Variants in SPTLC3 observed in about 807,000 individuals in gnomAD.
SPTLC3 encodes serine palmitoyltransferase 3.
A neutral mutation model predicts 59.3 loss-of-function variants in SPTLC3; 36 were observed. The ratio of observed to expected loss-of-function variants is 0.61; its 90% CI spans 0.47 to 0.80. The LOEUF is 0.80. SPTLC3 is among the 30% of genes least tolerant of loss of function. The pLI is 0.00. For synonymous variants in SPTLC3, 257 were observed against 240.8 expected (o/e 1.07, Z -0.62); for missense variants, 625 against 685.1 (o/e 0.91, Z 0.98).
chr20:13,128,212 G>A (rs555830089), intron 9 of SPTLC3, among the ~76,000 whole-genome samples: 4 of 152,268 alleles, frequency 2.6e-5, no homozygotes, highest in East Asian at 1.9e-4. Flanking sequence ...TGAGGTGATC[G>A]ACAAGTATTT....
chr20:13,093,663 C>T, intron 6 of SPTLC3, 86 bp downstream of exon 6: 1 of 1,248,400 alleles, frequency 8.0e-7, no homozygotes. Context: ...TTCTGCTCTT[C>T]AAGGTGACAA....
At chr20:13,010,286 G>A (rs1985170354) in intron 1 of SPTLC3, among the ~76,000 whole-genome samples, 1 of 152,132 alleles carries the variant, frequency 6.6e-6, no homozygotes, top group South Asian at 2.1e-4. Context: ...GGAAAGAGAA[G>A]TGGCACAGGG....
intron 5 of SPTLC3, among the ~76,000 whole-genome samples, chr20:13,093,136 C>T (rs1989288392): frequency 6.6e-6 from 1 of 152,192 alleles, no homozygotes; most frequent in Non-Finnish European, 1.5e-5. Flanking sequence ...GGAAGTGCCC[C>T]TACAAGTTCA....
chr20:13,046,821 T>A (rs1384245426), intron 1 of SPTLC3, among the ~76,000 whole-genome samples: 2 of 152,194 alleles, frequency 1.3e-5, no homozygotes. Flanking sequence ...GCTGAACATG[T>A]TGCTTGCTCA....
At chr20:13,046,219 A>T (rs1261725110) in intron 1 of SPTLC3, among the ~76,000 whole-genome samples, 2 of 152,094 alleles carry the variant, frequency 1.3e-5, no homozygotes, top group South Asian at 2.1e-4. Flanking sequence ...ACCTTATCGC[A>T]TTCACCTTCA....
intron 2 of SPTLC3, among the ~76,000 whole-genome samples, chr20:13,061,468 G>C (rs1298686023): frequency 6.6e-6 from 1 of 152,110 alleles, no homozygotes; most frequent in Non-Finnish European, 1.5e-5. Context: ...AGGTGTCTGG[G>C]TTCCTATCGA....
chr20:13,127,676 C>A (rs1045991055), intron 9 of SPTLC3, among the ~76,000 whole-genome samples: 3 of 152,256 alleles, frequency 2.0e-5, no homozygotes, highest in East Asian at 3.8e-4. Flanking sequence ...CATACTGATA[C>A]CCCCTGGGGC....
chr20:13,056,161 G>A (rs974154056), intron 2 of SPTLC3, among the ~76,000 whole-genome samples: 3 of 152,118 alleles, frequency 2.0e-5, no homozygotes, highest in Admixed American at 6.5e-5. Flanking sequence ...AGAACTGCTC[G>A]AACCGCCCCA....
chr20:13,041,505 C>G (rs988274699), intron 1 of SPTLC3, among the ~76,000 whole-genome samples: 3 of 152,060 alleles, frequency 2.0e-5, no homozygotes, highest in African/African-American at 7.2e-5. Context: ...ACATTGCCAT[C>G]ATACCTTCTT....
chr20:13,156,758 A>G (rs998739235), intron 10 of SPTLC3, among the ~76,000 whole-genome samples: 11 of 152,312 alleles, frequency 7.2e-5, no homozygotes, highest in South Asian at 2.1e-4. Flanking sequence ...TAAGCATTCA[A>G]TCAGTGGTAG....
intron 10 of SPTLC3, among the ~76,000 whole-genome samples, chr20:13,158,072 A>C (rs2038815327): frequency 6.6e-6 from 1 of 152,232 alleles, no homozygotes; most frequent in South Asian, 2.1e-4. Context: ...ACAATCAAGA[A>C]TATATTGTAT....
intron 1 of SPTLC3, among the ~76,000 whole-genome samples, chr20:13,047,501 G>C (rs543312922): frequency 2.6e-5 from 4 of 152,156 alleles, no homozygotes; most frequent in Admixed American, 2.0e-4. Context: ...AACATTTTTT[G>C]TGTGTCATCT....
At chr20:13,147,258 C>G (rs534500446) in intron 9 of SPTLC3, among the ~76,000 whole-genome samples, 4 of 152,154 alleles carry the variant, frequency 2.6e-5, no homozygotes, top group Admixed American at 6.5e-5. Flanking sequence ...AGCTTCAGTG[C>G]CTGATAAAAA....
At chr20:13,031,475 T>A (rs972509464) in intron 1 of SPTLC3, among the ~76,000 whole-genome samples, 3 of 152,186 alleles carry the variant, frequency 2.0e-5, no homozygotes, top group Non-Finnish European at 4.4e-5. Flanking sequence ...CAATATATAA[T>A]TTTGGAATGA....
chr20:13,094,783 C>A (rs1375371118), intron 6 of SPTLC3, among the ~76,000 whole-genome samples: 1 of 152,098 alleles, frequency 6.6e-6, no homozygotes, highest in African/African-American at 2.4e-5. Flanking sequence ...CTTACTGAGC[C>A]GCTTTCAGTA....
At chr20:13,153,176 A>C (rs2038688950) in intron 9 of SPTLC3, among the ~76,000 whole-genome samples, 1 of 152,148 alleles carries the variant, frequency 6.6e-6, no homozygotes, top group Non-Finnish European at 1.5e-5. Context: ...TGGCTTACTT[A>C]CCCACCTGTT....
At chr20:13,142,508 T>C (rs1181315326) in intron 9 of SPTLC3, among the ~76,000 whole-genome samples, 1 of 152,180 alleles carries the variant, frequency 6.6e-6, no homozygotes, top group Non-Finnish European at 1.5e-5. Flanking sequence ...ATTAGGCAGG[T>C]GGATTTGTGC....
chr20:13,077,292 T>C (rs1988682332), intron 4 of SPTLC3, among the ~76,000 whole-genome samples: 1 of 148,354 alleles, frequency 6.7e-6, no homozygotes, highest in Non-Finnish European at 1.5e-5. Context: ...AATAATATTA[T>C]TACTTATAAA....
At chr20:13,061,564 C>G (rs867559339) in intron 2 of SPTLC3, among the ~76,000 whole-genome samples, 20 of 152,228 alleles carry the variant, frequency 1.3e-4, no homozygotes, top group African/African-American at 4.8e-4. Context: ...CCCTCCAAAC[C>G]TGTTCTTTTC....
Sources: gnomAD v4.1 joint callset for allele counts (sites outside exome capture counted in the v4.1 genomes callset) on GRCh38, gnomAD v4.1.1 for gene constraint, MANE v1.5 for transcripts, NCBI Gene and HGNC (gene_info 2026-07-23, HGNC 2026-07-21) for gene names.